TPD52L1: variants seen among roughly 807,000 people sequenced by gnomAD.
TPD52L1 encodes TPD52 like 1.
TPD52L1 carries 18 observed loss-of-function variants against 28.7 expected under a neutral mutation model. The observed-to-expected ratio is 0.63, with a 90% CI of 0.43 to 0.93. The LOEUF (loss-of-function observed/expected upper bound fraction) is 0.93. TPD52L1 is among the 40% of genes least tolerant of loss of function. The probability of loss-of-function intolerance (pLI) is 0.00; values close to 1 mark genes in which losing one functional copy is unlikely to be tolerated. For missense variants in TPD52L1, 203 were observed against 254.8 expected, an observed-to-expected ratio of 0.80 and a Z score of 1.39; for synonymous variants, 75 against 88.8, an observed-to-expected ratio of 0.84 and a Z score of 0.88.
intron 1 of TPD52L1, among the ~76,000 whole-genome samples, chr6:125,203,066 G>A (rs2114904826): frequency 6.6e-6 from 1 of 152,246 alleles, no homozygotes; most frequent in East Asian, 1.9e-4. Context: ...CCTTTTCCCA[G>A]TTCCATGAAA....
rs1795214301 is a variant in TPD52L1 at position 125,221,298 on chromosome 6, C to T, written c.135+1105C>T. 3.3e-5 allele frequency among the ~76,000 whole-genome samples: 5 copies of T among 152,200 alleles called. No homozygotes were observed. The South Asian group carries it at 8.3e-4, about 25-fold the overall frequency. ...TGTCTGTGGCCACTGAGTGGCTGCA[C>T]GTACCAGAGTGCACAGACCAAAGTT... On this transcript the variant is annotated intron_variant, in intron 2 of 6. Coordinates refer to ENST00000534000, the MANE Select transcript of TPD52L1 (RefSeq NM_003287.4).
At chr6:125,207,512 A>G (rs1208022195) in intron 1 of TPD52L1, among the ~76,000 whole-genome samples, 1 of 152,196 alleles carries the variant, frequency 6.6e-6, no homozygotes, top group African/African-American at 2.4e-5. Context: ...TATCCATTCA[A>G]ATTTCTTAAT....
intron 1 of TPD52L1, among the ~76,000 whole-genome samples, chr6:125,213,802 G>A (rs1794672308): frequency 6.6e-6 from 1 of 152,114 alleles, no homozygotes; most frequent in Non-Finnish European, 1.5e-5. Context: ...TTCCTTCCTA[G>A]AGTTCAAAAA....
At chr6:125,199,951 T>C (rs1793699453) in intron 1 of TPD52L1, among the ~76,000 whole-genome samples, 1 of 152,234 alleles carries the variant, frequency 6.6e-6, no homozygotes, top group African/African-American at 2.4e-5. Flanking sequence ...CATCACCTCA[T>C]TGCCTAGACT....
At chr6:125,249,691 CAAAAAA>C (rs11431442) in intron 4 of TPD52L1, among the ~76,000 whole-genome samples, 3 of 75,198 alleles carry the variant, frequency 4.0e-5, no homozygotes, top group Admixed American at 1.6e-4. Context: ...GACTCTGTCT[CAAAAAA>C]AAAAAAAAAA....
In TPD52L1 at chr6:125,262,951, C is replaced by G. The variant is rs758723323; in HGVS notation, c.604C>G (p.Leu202Val). The change falls in exon 7 of 7, where the codon CTG becomes GTG. Residue 202 changes from leucine (L) to valine (V), a missense_variant. Coordinates refer to ENST00000534000, the MANE Select transcript of TPD52L1 (RefSeq NM_003287.4). ...CTCCCGGCGGACCAAGGAGGAGGAG[C>G]TGCAGTGCTAAGTCCAGCCAGCGTG... Reference protein sequence around the residue: ...GGSRRTKEEELQC With the variant: ...GGSRRTKEEEVQC The G allele has an allele frequency of 6.8e-5, 109 of 1,613,592 alleles. No individual in the cohort carries two copies. Among genetic ancestry groups the G allele is most frequent in the Middle Eastern group, 4.9e-4 (3 of 6,084 alleles).
At chr6:125,191,047 T>C (rs1190135279) in intron 1 of TPD52L1, among the ~76,000 whole-genome samples, 7 of 152,242 alleles carry the variant, frequency 4.6e-5, no homozygotes. Context: ...TTAACTATAG[T>C]GATTTGTATA....
intron 1 of TPD52L1, among the ~76,000 whole-genome samples, chr6:125,204,487 T>A (rs504332): frequency 0.036 from 5,432 of 152,166 alleles, 301 homozygotes; most frequent in African/African-American, 0.12. Context: ...TTTTTTATTT[T>A]TATTTTTTTT....
chr6:125,237,338 G>A (rs541350075), intron 3 of TPD52L1, among the ~76,000 whole-genome samples: 27 of 152,278 alleles, frequency 1.8e-4, no homozygotes, highest in African/African-American at 5.5e-4. Context: ...AGTGATGATG[G>A]CGGCTTGAAC....
At chr6:125,212,394 T>G (rs910206351) in intron 1 of TPD52L1, among the ~76,000 whole-genome samples, 2 of 152,224 alleles carry the variant, frequency 1.3e-5, no homozygotes, top group South Asian at 4.1e-4. Context: ...TTGCCAACAA[T>G]GCAGGATATG....
intron 1 of TPD52L1, chr6:125,214,512 G>T: frequency 1.1e-6 from 1 of 938,038 alleles, no homozygotes; most frequent in African/African-American, 1.8e-5. Flanking sequence ...GCTTGGGCTG[G>T]ATGTCCTGGG....
At chr6:125,215,772 A>C (rs1255811433) in intron 1 of TPD52L1, among the ~76,000 whole-genome samples, 1 of 142,826 alleles carries the variant, frequency 7.0e-6, no homozygotes, top group African/African-American at 2.4e-5. Flanking sequence ...ATGTATTACC[A>C]GTTAAACAGG....
At chr6:125,253,997 T>C (rs1797436544) in intron 5 of TPD52L1, 1 of 700,394 alleles carries the variant, frequency 1.4e-6, no homozygotes, top group Non-Finnish European at 2.6e-6. Context: ...TCAATTCTTT[T>C]ATCCATATAT....
At chr6:125,261,847 A>G (rs192149541) in intron 6 of TPD52L1, 1 of 152,350 alleles carries the variant, frequency 6.6e-6, no homozygotes, top group Non-Finnish European at 1.5e-5. Flanking sequence ...AAACCATCAT[A>G]ACTGCATTGT....
At chr6:125,171,911 A>G (rs1405466386) in intron 1 of TPD52L1, among the ~76,000 whole-genome samples, 2 of 151,730 alleles carry the variant, frequency 1.3e-5, no homozygotes, top group Non-Finnish European at 2.9e-5. Flanking sequence ...GCTCCGTGTG[A>G]GAGGAGAGGA....
At chr6:125,225,933 A>G (rs540488333) in intron 2 of TPD52L1, among the ~76,000 whole-genome samples, 21 of 152,188 alleles carry the variant, frequency 1.4e-4, no homozygotes, top group Non-Finnish European at 2.5e-4. Context: ...GTTGAGAACC[A>G]CTGAGATAAC....
chr6:125,257,197 A>C, intron 6 of TPD52L1, 39 bp downstream of exon 6: 6 of 1,568,790 alleles, frequency 3.8e-6, no homozygotes, highest in Non-Finnish European at 5.2e-6. Context: ...GGGTCCATTG[A>C]CTCAGGACAG....
chr6:125,175,027 G>A (rs1791733470), intron 1 of TPD52L1, among the ~76,000 whole-genome samples: 1 of 152,132 alleles, frequency 6.6e-6, no homozygotes, highest in Non-Finnish European at 1.5e-5. Context: ...ATGTGTGTGT[G>A]TGTGTATCCT....
At chr6:125,164,604 G>T (rs1026506336) in intron 1 of TPD52L1, among the ~76,000 whole-genome samples, 1 of 152,092 alleles carries the variant, frequency 6.6e-6, no homozygotes, top group Non-Finnish European at 1.5e-5. Flanking sequence ...TAATTTCAAT[G>T]AGTACCCCAA....
Sources: allele counts gnomAD v4.1 joint callset (sites outside exome capture counted in the v4.1 genomes callset), GRCh38; gene constraint gnomAD v4.1.1; transcripts MANE v1.5; gene names NCBI Gene and HGNC (gene_info 2026-07-23, HGNC 2026-07-21).